Variants in GXYLT1 observed in about 807,000 individuals in gnomAD.
GXYLT1 encodes the protein glucoside xylosyltransferase 1, also known as glycosyltransferase 8 domain containing 3.
GXYLT1 carries 29 observed loss-of-function variants against 54.0 expected under a neutral mutation model. That is an observed-to-expected ratio of 0.54 (90% CI 0.40 to 0.73). The LOEUF is 0.73. Ranked by LOEUF, GXYLT1 falls within the 30% of genes least tolerant of loss-of-function variation. The pLI is 0.00. For synonymous variants in GXYLT1, 176 were observed against 204.1 expected, an observed-to-expected ratio of 0.86 and a Z score of 1.17; for missense variants, 490 against 553.4, an observed-to-expected ratio of 0.89 and a Z score of 1.15.
At chr12:42,106,743 CTTTTTTTT>C (rs1231770611) in intron 4 of GXYLT1, among the ~76,000 whole-genome samples, 34 of 127,632 alleles carry the variant, frequency 2.7e-4, no homozygotes, top group Non-Finnish European at 5.2e-4. Flanking sequence ...TATTATTTTT[CTTTTTTTT>C]TTTTTTTTTT....
intron 2 of GXYLT1, among the ~76,000 whole-genome samples, chr12:42,119,544 A>C (rs2136905965): frequency 6.6e-6 from 1 of 152,290 alleles, no homozygotes; most frequent in African/African-American, 2.4e-5. Flanking sequence ...AAACTAGGCC[A>C]AGTCTGTAAT....
chr12:42,096,967 A>C (rs2065359219), intron 7 of GXYLT1, among the ~76,000 whole-genome samples: 1 of 152,144 alleles, frequency 6.6e-6, no homozygotes, highest in African/African-American at 2.4e-5. Context: ...GCCAAAATGA[A>C]GAACATTCTA....
At position 42,084,413 on chromosome 12, in the gene GXYLT1, T is replaced by C. The variant is rs2065274407; in HGVS notation, c.*3373A>G. 6.6e-6 allele frequency: 1 copy of C among 152,386 alleles called. No individual in the cohort carries two copies. The allele number at this position is 152,386 out of a possible 1,614,324, so 9.4% of individuals were successfully genotyped here. A position where few individuals can be genotyped will look rare whatever the true frequency, so the allele number is the denominator to read the frequency against. The stretch of plus-strand genomic sequence containing the variant: ...AACAAATTCATACTGGAGATATATG[T>C]CAGAAAACATTCAGCCTGAGTAAAC... On this transcript the variant is annotated 3_prime_UTR_variant, in exon 8 of 8. Coordinates refer to ENST00000398675, the MANE Select transcript of GXYLT1 (RefSeq NM_173601.2).
At chr12:42,114,747 A>G (rs2065482357) in intron 3 of GXYLT1, among the ~76,000 whole-genome samples, 1 of 152,230 alleles carries the variant, frequency 6.6e-6, no homozygotes, top group Non-Finnish European at 1.5e-5. Context: ...TCCAATCAAT[A>G]GAAAAAGAAG....
At chr12:42,095,248 A>G (rs912549933) in intron 7 of GXYLT1, among the ~76,000 whole-genome samples, 1 of 152,182 alleles carries the variant, frequency 6.6e-6, no homozygotes, top group African/African-American at 2.4e-5. Context: ...TTTCAATCCA[A>G]TAATCCCACT....
Position 42,090,372 on chromosome 12 carries a change from G to C in GXYLT1, c.1162-2425C>G, listed in dbSNP as rs565517979. On this transcript the variant is annotated intron_variant, in intron 7 of 7. Coordinates refer to ENST00000398675, the MANE Select transcript of GXYLT1 (RefSeq NM_173601.2). Reference sequence around the variant, plus strand: ...CCAGAGGCCACACGTGCCCTTACCTGACTCCAGACCTCTTTTTATACTATA... The same window carrying C: ...CCAGAGGCCACACGTGCCCTTACCTCACTCCAGACCTCTTTTTATACTATA... 3.3e-4 allele frequency among the ~76,000 whole-genome samples: 50 copies of C among 152,182 alleles called. No homozygotes were observed. In the South Asian group the frequency reaches 1.0e-2, roughly 30 times the overall value.
chr12:42,093,407 T>C (rs2065339378), intron 7 of GXYLT1, among the ~76,000 whole-genome samples: 1 of 151,738 alleles, frequency 6.6e-6, no homozygotes. Flanking sequence ...GGCCTAAAAA[T>C]ACCAACAAGT....
intron 7 of GXYLT1, among the ~76,000 whole-genome samples, chr12:42,094,326 G>C (rs996768552): frequency 6.6e-6 from 1 of 150,746 alleles, no homozygotes; most frequent in African/African-American, 2.4e-5. Flanking sequence ...ACTCCAGCCT[G>C]GGTGACAAGA....
intron 1 of GXYLT1, among the ~76,000 whole-genome samples, chr12:42,134,753 C>T (rs1209811852): frequency 1.3e-5 from 2 of 152,190 alleles, no homozygotes; most frequent in African/African-American, 2.4e-5. Context: ...CAGATGAATA[C>T]TGAAGAACAG....
intron 7 of GXYLT1, among the ~76,000 whole-genome samples, chr12:42,095,902 C>T (rs35644702): frequency 0.14 from 21,661 of 152,028 alleles, 1,673 homozygotes; most frequent in Non-Finnish European, 0.18. Context: ...TGTCTGGGAG[C>T]AGGGGAGAGG....
At chr12:42,141,214 C>T (rs1326352874) in intron 1 of GXYLT1, among the ~76,000 whole-genome samples, 3 of 152,182 alleles carry the variant, frequency 2.0e-5, no homozygotes, top group African/African-American at 7.2e-5. Context: ...ACAGCCTTTT[C>T]CTAGGATTTT....
rs907233156 is a variant in GXYLT1, at chr12:42,144,821, G to A, written c.-175C>T. ...CCCGCCCACCACCTAGGCGAGCGCA[G>A]TCGCGGCTCCGGAGCCGAAGGACTA... On this transcript the variant is annotated 5_prime_UTR_variant, in exon 1 of 8. Coordinates refer to ENST00000398675, the MANE Select transcript of GXYLT1 (RefSeq NM_173601.2). 22 of 403,490 alleles carry A rather than the reference G, an allele frequency of 5.5e-5. No individual in the cohort carries two copies. Among genetic ancestry groups the A allele is most frequent in the Admixed American group, 4.7e-4 (10 of 21,084 alleles). 25.0% of individuals were successfully genotyped at this position (403,490 alleles called of 1,614,324 possible). A position where few individuals can be genotyped will look rare whatever the true frequency, so the allele number is the denominator to read the frequency against.
In GXYLT1 at chr12:42,087,571, C is replaced by A. The variant is rs1156795595; in HGVS notation, c.*215G>T. The stretch of plus-strand genomic sequence containing the variant: ...ACTGGAATGATAGCAAGTAACATTA[C>A]AAAACATCAGAGATAAAAAATGTTC... On this transcript the variant is annotated 3_prime_UTR_variant, in exon 8 of 8. Transcript: ENST00000398675. The A allele has an allele frequency of 1.7e-5, 8 of 461,124 alleles. No individual in the cohort carries two copies. In the South Asian group the frequency reaches 2.0e-4, roughly 12 times the overall value. 28.6% of individuals were successfully genotyped at this position (461,124 alleles called of 1,614,324 possible). A position where few individuals can be genotyped will look rare whatever the true frequency, so the allele number is the denominator to read the frequency against.
rs190407775 is a variant in GXYLT1, at chr12:42,126,028, A to G, written c.314+3731T>C. Among the ~76,000 whole-genome samples, 1,482 of 152,178 alleles carry G rather than the reference A, an allele frequency of 9.7e-3. 8 individuals carry two copies. Among genetic ancestry groups the G allele is most frequent in the Non-Finnish European group, 0.016 (1,057 of 68,016 alleles). ...GGCGACAAAGTGAGACTATCTCAAA[A>G]AAACAAACAAACCAAACAAAACCCA... On this transcript the variant is annotated intron_variant, in intron 2 of 7. Transcript: ENST00000398675.
At chr12:42,114,507 C>T (rs1038832706) in intron 3 of GXYLT1, among the ~76,000 whole-genome samples, 5 of 152,096 alleles carry the variant, frequency 3.3e-5, no homozygotes, top group South Asian at 2.1e-4. Flanking sequence ...AAGACCTCTA[C>T]GCAAATAAAC....
chr12:42,098,486 A>G (rs2065370225), intron 5 of GXYLT1, among the ~76,000 whole-genome samples: 1 of 152,004 alleles, frequency 6.6e-6, no homozygotes, highest in Non-Finnish European at 1.5e-5. Context: ...TATAATTGGC[A>G]GTTCAAATAG....
chr12:42,139,441 T>A (rs1437173656), intron 1 of GXYLT1, among the ~76,000 whole-genome samples: 1 of 152,142 alleles, frequency 6.6e-6, no homozygotes, highest in Non-Finnish European at 1.5e-5. Flanking sequence ...GATTAGGTCA[T>A]GAGAGCAGAG....
At chr12:42,136,789 A>ACATACATACATACAC in intron 1 of GXYLT1, among the ~76,000 whole-genome samples, 1 of 23,246 alleles carries the variant, frequency 4.3e-5, no homozygotes, top group African/African-American at 9.6e-5. Flanking sequence ...CATACATACA[A>ACATACATACATACAC]ACAAACACAC....
chr12:42,114,935 A>G (rs913042155), intron 3 of GXYLT1, among the ~76,000 whole-genome samples: 4 of 152,194 alleles, frequency 2.6e-5, no homozygotes, highest in Non-Finnish European at 2.9e-5. Flanking sequence ...ATCCACCATG[A>G]TCAAGTGGGC....
Sources: gnomAD v4.1 joint callset for allele counts (sites outside exome capture counted in the v4.1 genomes callset) on GRCh38, gnomAD v4.1.1 for gene constraint, MANE v1.5 for transcripts, NCBI Gene and HGNC (gene_info 2026-07-23, HGNC 2026-07-21) for gene names.